Variants in ADCY8 observed in about 807,000 individuals in gnomAD.
ADCY8 encodes the protein adenylate cyclase 8, also known as adenylate cyclase type 8.
A neutral mutation model predicts 119.7 loss-of-function variants in ADCY8; 51 were observed. The observed-to-expected ratio is 0.43, with a 90% CI of 0.34 to 0.54. ADCY8 has a LOEUF of 0.54. Among genes scored for constraint, ADCY8 ranks in the 20% least tolerant of loss-of-function variants. The pLI, the probability that ADCY8 is intolerant of heterozygous loss-of-function variation, is 0.03. For synonymous variants in ADCY8, 665 were observed against 651.0 expected (o/e 1.02, Z -0.33); for missense variants, 1,383 against 1,598.8 (o/e 0.87, Z 2.30).
Position 130,998,178 on chromosome 8 carries a change from G to A in ADCY8, c.961-7636C>T, listed in dbSNP as rs182251551. On this transcript the variant is annotated intron_variant, in intron 1 of 17. Coordinates refer to ENST00000286355, the MANE Select transcript of ADCY8 (RefSeq NM_001115.3). ...ATATTTAACACATGGTGGTGGTGGT[G>A]GTATGAGAGTGTGATAAATGCCATA... Among the ~76,000 whole-genome samples, 8 of 152,178 alleles carry A rather than the reference G, an allele frequency of 5.3e-5. No individual in the cohort carries two copies. In the East Asian group the frequency reaches 1.4e-3, roughly 26 times the overall value.
At chr8:130,962,711 C>G (rs1304555144) in intron 2 of ADCY8, among the ~76,000 whole-genome samples, 1 of 152,206 alleles carries the variant, frequency 6.6e-6, no homozygotes, top group Non-Finnish European at 1.5e-5. Flanking sequence ...TCAGACAGCA[C>G]TTTTGGGCTT....
chr8:130,820,533 C>A (rs1015791885), intron 13 of ADCY8, among the ~76,000 whole-genome samples: 5 of 152,196 alleles, frequency 3.3e-5, no homozygotes, highest in Non-Finnish European at 5.9e-5. Context: ...TGGAGAAGAC[C>A]TACTGGTCTT....
intron 3 of ADCY8, among the ~76,000 whole-genome samples, chr8:130,947,903 G>T (rs1821151870): frequency 6.6e-6 from 1 of 152,128 alleles, no homozygotes; most frequent in South Asian, 2.1e-4. Context: ...CTGTCACTAG[G>T]AAAAGCCATT....
At chr8:130,922,858 T>A (rs1019437111) in intron 5 of ADCY8, among the ~76,000 whole-genome samples, 3 of 152,212 alleles carry the variant, frequency 2.0e-5, no homozygotes, top group Non-Finnish European at 4.4e-5. Context: ...CTTTGCTATG[T>A]CACTTACAAG....
chr8:131,029,948 GC>G (rs1326185833), intron 1 of ADCY8, among the ~76,000 whole-genome samples: 1 of 152,096 alleles, frequency 6.6e-6, no homozygotes, highest in Non-Finnish European at 1.5e-5. Flanking sequence ...GATATTCAGA[GC>G]CATCCATGTG....
chr8:130,898,577 G>A lies in ADCY8; in HGVS notation c.1911+5195C>T, dbSNP rs80335069. Among the ~76,000 whole-genome samples, 1,500 of 152,210 alleles carry A rather than the reference G, an allele frequency of 9.9e-3. 4 individuals are homozygous for A. Among genetic ancestry groups the A allele is most frequent in the Non-Finnish European group, 0.016 (1,065 of 68,010 alleles). On this transcript the variant is annotated intron_variant, in intron 7 of 17. Transcript: ENST00000286355. ...ATATGACTCTTTCAAAAGGCCTAGC[G>A]GAGTAACAGAAACATGCCTGGATTC...
intron 3 of ADCY8, among the ~76,000 whole-genome samples, chr8:130,947,894 T>A (rs1050243006): frequency 6.6e-6 from 1 of 152,150 alleles, no homozygotes; most frequent in South Asian, 2.1e-4. Context: ...TCAATCCACC[T>A]GTCACTAGGA....
At chr8:130,913,916 T>C (rs1180704637) in intron 5 of ADCY8, among the ~76,000 whole-genome samples, 1 of 152,166 alleles carries the variant, frequency 6.6e-6, no homozygotes, top group African/African-American at 2.4e-5. Context: ...AGAGAAGTTA[T>C]TTTATTTCCC....
chr8:131,000,735 C>A (rs1331712829), intron 1 of ADCY8, among the ~76,000 whole-genome samples: 5 of 152,106 alleles, frequency 3.3e-5, no homozygotes, highest in African/African-American at 1.2e-4. Context: ...AACACAACGA[C>A]AGTTCACCCC....
Position 131,040,487 on chromosome 8 carries a change from T to A in ADCY8, c.-154A>T. ...AGGAGCCCTGCGCTAGGGCTCCCTG[T>A]AGGTCGGGTCATACTGTGCCCAGGG... On this transcript the variant is annotated 5_prime_UTR_variant, in exon 1 of 18. Transcript: ENST00000286355. 1.0e-6 allele frequency: 1 copy of A among 958,382 alleles called. No homozygotes were observed. The highest frequency in any genetic ancestry group is 1.4e-6 in the Non-Finnish European group (1 of 709,816). 59.4% of individuals were successfully genotyped at this position (958,382 alleles called of 1,614,324 possible). A position where few individuals can be genotyped will look rare whatever the true frequency, so the allele number is the denominator to read the frequency against.
chr8:130,913,739 G>T, intron 5 of ADCY8, among the ~76,000 whole-genome samples: 1 of 152,166 alleles, frequency 6.6e-6, no homozygotes, highest in East Asian at 1.9e-4. Context: ...TAAGCACTGA[G>T]ATTTTAGGGA....
At chr8:130,865,858 A>G (rs1482282434) in intron 9 of ADCY8, among the ~76,000 whole-genome samples, 6 of 152,158 alleles carry the variant, frequency 3.9e-5, no homozygotes, top group Non-Finnish European at 7.4e-5. Context: ...CAGTTTCACG[A>G]GTTCATAGTG....
intron 2 of ADCY8, among the ~76,000 whole-genome samples, chr8:130,989,215 G>T (rs554749737): frequency 1.3e-5 from 2 of 152,292 alleles, no homozygotes; most frequent in South Asian, 4.1e-4. Flanking sequence ...GTCAAAGTAA[G>T]ATCTGAAAAC....
intron 7 of ADCY8, among the ~76,000 whole-genome samples, chr8:130,886,902 T>C (rs931096920): frequency 3.3e-5 from 5 of 152,142 alleles, no homozygotes; most frequent in Admixed American, 3.3e-4. Flanking sequence ...TGGGGATTGA[T>C]TTCTTTAAAT....
At position 130,795,052 on chromosome 8, in the gene ADCY8, G is replaced by T. The variant is rs183625950; in HGVS notation, c.3060+5374C>A. Among the ~76,000 whole-genome samples, 279 of 152,214 alleles carry T rather than the reference G, an allele frequency of 1.8e-3. 1 individual carries two copies. The highest frequency in any genetic ancestry group is 6.6e-3 in the African/African-American group (273 of 41,536). On this transcript the variant is annotated intron_variant, in intron 15 of 17. Transcript: ENST00000286355. ...CAGCCTGGCCAACGTGGTGAAAATC[G>T]CTGTCTCTACTAAAAATAAAAACCC...
Position 130,936,988 on chromosome 8 carries a change from T to C in ADCY8, c.1481+85A>G, listed in dbSNP as rs1244791595. ...AAAAGGTTCTGCCTTTCACCATACA[T>C]ATGATTTACCACAAAGGGTAGGTGA... On this transcript the variant is annotated intron_variant, in intron 5 of 17. Transcript: ENST00000286355. The C allele has an allele frequency of 2.7e-6, 4 of 1,458,400 alleles. No homozygotes were observed. In the East Asian group the frequency reaches 9.5e-5, roughly 35 times the overall value. 90.3% of individuals were successfully genotyped at this position (1,458,400 alleles called of 1,614,324 possible). A position where few individuals can be genotyped will look rare whatever the true frequency, so the allele number is the denominator to read the frequency against.
At chr8:130,910,211 T>A (rs1819938505) in intron 5 of ADCY8, among the ~76,000 whole-genome samples, 1 of 152,120 alleles carries the variant, frequency 6.6e-6, no homozygotes, top group South Asian at 2.1e-4. Context: ...TCTCTGAACA[T>A]CCTTAGCCTT....
chr8:131,021,049 G>C (rs149520575), intron 1 of ADCY8, among the ~76,000 whole-genome samples: 3 of 152,264 alleles, frequency 2.0e-5, no homozygotes, highest in African/African-American at 7.2e-5. Context: ...GTATAAGATA[G>C]AAGAATTGCA....
At chr8:130,845,026 T>C (rs974506235) in intron 11 of ADCY8, among the ~76,000 whole-genome samples, 3 of 152,206 alleles carry the variant, frequency 2.0e-5, no homozygotes, top group Non-Finnish European at 4.4e-5. Flanking sequence ...AATGAGCAGA[T>C]ACATTGTGCC....
Sources: gnomAD v4.1 joint callset for allele counts (sites outside exome capture counted in the v4.1 genomes callset) on GRCh38, gnomAD v4.1.1 for gene constraint, MANE v1.5 for transcripts, NCBI Gene and HGNC (gene_info 2026-07-23, HGNC 2026-07-21) for gene names.